ABRAXAS2: variants seen among roughly 807,000 people sequenced by gnomAD.
The protein encoded by ABRAXAS2 is abraxas 2, BRISC complex subunit.
Under a neutral mutation model 49.0 loss-of-function variants are expected in ABRAXAS2, and 23 were observed. The observed-to-expected ratio is 0.47, with a 90% confidence interval of 0.34 to 0.66. The LOEUF (loss-of-function observed/expected upper bound fraction) is 0.66. ABRAXAS2 is among the 30% of genes least tolerant of loss of function. ABRAXAS2 has a pLI of 0.01. For synonymous variants in ABRAXAS2, 168 were observed against 180.2 expected (o/e 0.93, Z 0.54); for missense variants, 443 against 511.9 (o/e 0.87, Z 1.30).
chr10:124,815,016 T>G (rs537507118), intron 2 of ABRAXAS2: 44 of 152,232 alleles, frequency 2.9e-4, no homozygotes, highest in African/African-American at 1.0e-3. Context: ...GGGTTTAGTC[T>G]GTAACCATAA....
chr10:124,826,818 A>G, intron 5 of ABRAXAS2, 33 bp downstream of exon 5: 1 of 1,606,540 alleles, frequency 6.2e-7, no homozygotes, highest in Non-Finnish European at 8.5e-7. Flanking sequence ...CCTCACATAT[A>G]AGAAGGACGT....
intron 5 of ABRAXAS2, among the ~76,000 whole-genome samples, chr10:124,828,388 A>G (rs1950909994): frequency 6.6e-6 from 1 of 151,898 alleles, no homozygotes; most frequent in Admixed American, 6.6e-5. Flanking sequence ...TTATTTAGAG[A>G]TACAGTCTTG....
At chr10:124,815,541 G>C (rs965061070) in intron 2 of ABRAXAS2, among the ~76,000 whole-genome samples, 1 of 152,124 alleles carries the variant, frequency 6.6e-6, no homozygotes, top group Non-Finnish European at 1.5e-5. Context: ...GAACTCTGAG[G>C]CTGTGGTTTT....
At chr10:124,811,681 TG>T (rs1262826006) in intron 2 of ABRAXAS2, among the ~76,000 whole-genome samples, 1 of 151,060 alleles carries the variant, frequency 6.6e-6, no homozygotes, top group Non-Finnish European at 1.5e-5. Flanking sequence ...GAGCTTGCAG[TG>T]AGCAGAGATT....
At chr10:124,814,291 C>CT (rs1449961851) in intron 2 of ABRAXAS2, among the ~76,000 whole-genome samples, 2 of 151,570 alleles carry the variant, frequency 1.3e-5, no homozygotes, top group African/African-American at 4.8e-5. Flanking sequence ...CGCCCGGCCT[C>CT]TATCATTTTT....
At chr10:124,812,450 G>T (rs1356745116) in intron 2 of ABRAXAS2, among the ~76,000 whole-genome samples, 1 of 152,092 alleles carries the variant, frequency 6.6e-6, no homozygotes, top group Non-Finnish European at 1.5e-5. Context: ...TTCAAGACCG[G>T]CTTGGACAAT....
chr10:124,802,283 C>T (rs1390253440), intron 1 of ABRAXAS2, among the ~76,000 whole-genome samples: 1 of 152,168 alleles, frequency 6.6e-6, no homozygotes, highest in African/African-American at 2.4e-5. Flanking sequence ...ATCTAAAGGC[C>T]GGGCGTTTAG....
intron 7 of ABRAXAS2, among the ~76,000 whole-genome samples, chr10:124,830,621 G>A (rs1950926826): frequency 2.0e-5 from 3 of 152,192 alleles, no homozygotes; most frequent in South Asian, 2.1e-4. Flanking sequence ...CCAGAATAGG[G>A]AACTTTATAC....
At chr10:124,817,851 A>C (rs1283851088) in intron 3 of ABRAXAS2, among the ~76,000 whole-genome samples, 2 of 152,162 alleles carry the variant, frequency 1.3e-5, no homozygotes, top group African/African-American at 4.8e-5. Flanking sequence ...CGCCTCTTTT[A>C]GATTTACACA....
Position 124,835,049 on chromosome 10 carries a change from G to T in ABRAXAS2, c.*78G>T. On this transcript the variant is annotated 3_prime_UTR_variant, in exon 9 of 9. Transcript: ENST00000298492. ...GAGGGTTTTTGAGAACTTAATCTGG[G>T]GGGAGAACTGCTTTCTCAGATACCT... 9.0e-7 allele frequency: 1 copy of T among 1,110,940 alleles called. No homozygotes were observed. The allele number at this position is 1,110,940 out of a possible 1,614,324, so 68.8% of individuals were successfully genotyped here.
intron 4 of ABRAXAS2, among the ~76,000 whole-genome samples, chr10:124,821,275 A>G (rs1950859537): frequency 6.6e-6 from 1 of 150,916 alleles, no homozygotes; most frequent in Non-Finnish European, 1.5e-5. Flanking sequence ...CACAAGAGAA[A>G]GAAGAAATCG....
Position 124,831,362 on chromosome 10 carries a change from A to G in ABRAXAS2, c.677A>G (p.Asp226Gly). Residue 226 changes from aspartate to glycine, a missense_variant, in exon 8 of 9, where the codon GAT becomes GGT. Around this residue, in one of 3 missense-constraint regions of ABRAXAS2, gnomAD observed 230 missense variants for 237.0 expected, o/e 0.97. Coordinates refer to ENST00000298492, the MANE Select transcript of ABRAXAS2 (RefSeq NM_032182.4). ...LQEKVQAVCADVEKSERVVES... is the reference protein window; with the variant it reads ...LQEKVQAVCAGVEKSERVVES... ...TTTTTTCCTCAGGCAGTGTGTGCAG[A>G]TGTTGAAAAGAGTGAGCGAGTTGTT... 6.2e-7 allele frequency: 1 copy of G among 1,610,054 alleles called. No individual in the cohort carries two copies. Among genetic ancestry groups the G allele is most frequent in the Non-Finnish European group, 8.5e-7 (1 of 1,176,470 alleles).
rs377318589 is a variant in ABRAXAS2, at chr10:124,834,642, C to A, written c.919C>A (p.Pro307Thr). Residue 307 changes from proline (P) to threonine (T), a missense_variant, in exon 9 of 9, where the codon CCT becomes ACT. By Grantham distance (38) the Pro-to-Thr change is conservative. Transcript: ENST00000298492. ...GDAEASDPPP[P>T]YSDFHPNNQE... is the part of the protein sequence containing the mutation. ...TGCAGAGGCCTCGGATCCTCCTCCC[C>A]CTTACTCTGATTTTCACCCAAACAA... 184 of 1,613,954 alleles carry A rather than the reference C, an allele frequency of 1.1e-4. No homozygotes were observed. Among genetic ancestry groups the A allele is most frequent in the Non-Finnish European group, 1.5e-4 (176 of 1,180,030 alleles).
intron 2 of ABRAXAS2, among the ~76,000 whole-genome samples, chr10:124,810,795 A>T (rs1950781848): frequency 6.6e-6 from 1 of 150,960 alleles, no homozygotes; most frequent in South Asian, 2.1e-4. Flanking sequence ...GTTGGCCAGG[A>T]TGGTCTCGAT....
intron 1 of ABRAXAS2, among the ~76,000 whole-genome samples, chr10:124,803,850 G>A (rs1226641824): frequency 6.6e-6 from 1 of 152,140 alleles, no homozygotes; most frequent in African/African-American, 2.4e-5. Context: ...GTGGTGAGTC[G>A]AGATCGCGCC....
At chr10:124,819,540 A>C (rs1950847824) in intron 4 of ABRAXAS2, 90 bp downstream of exon 4, 3 of 1,217,754 alleles carry the variant, frequency 2.5e-6, no homozygotes, top group Non-Finnish European at 2.4e-6. Context: ...ATGGAACAAT[A>C]AGATTTCATG....
chr10:124,809,345 A>T (rs1377883684), intron 2 of ABRAXAS2, among the ~76,000 whole-genome samples: 8 of 151,862 alleles, frequency 5.3e-5, no homozygotes, highest in South Asian at 2.1e-4. Flanking sequence ...GCTGGAGGGC[A>T]GTGGCGTCAG....
chr10:124,825,872 T>C (rs1365759355), intron 4 of ABRAXAS2, among the ~76,000 whole-genome samples: 2 of 152,100 alleles, frequency 1.3e-5, no homozygotes, highest in African/African-American at 4.8e-5. Context: ...CAGATTTGGG[T>C]GGGGTCCAGG....
chr10:124,829,141 T>C (rs1950915001), intron 6 of ABRAXAS2, among the ~76,000 whole-genome samples: 1 of 152,242 alleles, frequency 6.6e-6, no homozygotes, highest in African/African-American at 2.4e-5. Flanking sequence ...GAGTATTATT[T>C]CTGAGGTTCT....
Sources: allele counts gnomAD v4.1 joint callset (sites outside exome capture counted in the v4.1 genomes callset), GRCh38; gene constraint gnomAD v4.1.1; regional missense constraint gnomAD v4.1.1; transcripts MANE v1.5; gene names NCBI Gene and HGNC (gene_info 2026-07-23, HGNC 2026-07-21).